SRRM1: variants seen among roughly 807,000 people sequenced by gnomAD.
SRRM1 encodes serine and arginine repetitive matrix 1.
A neutral mutation model predicts 110.2 loss-of-function variants in SRRM1; 19 were observed. The observed-to-expected ratio is 0.17, with a 90% confidence interval of 0.12 to 0.25. SRRM1 has a LOEUF of 0.25. SRRM1 is among the 10% of genes least tolerant of loss of function. The probability of loss-of-function intolerance (pLI) is 1.00; values close to 1 mark genes in which losing one functional copy is unlikely to be tolerated. For synonymous variants in SRRM1, 443 were observed against 414.9 expected, an observed-to-expected ratio of 1.07 and a Z score of -0.82; for missense variants, 918 against 1,145.8, an observed-to-expected ratio of 0.80 and a Z score of 2.87.
chr1:24,656,505 T>C (rs1030860757), intron 9 of SRRM1, among the ~76,000 whole-genome samples: 1 of 152,194 alleles, frequency 6.6e-6, no homozygotes, highest in Non-Finnish European at 1.5e-5. Context: ...GATCACTGTT[T>C]TCATAACCTC....
At chr1:24,666,497 C>T (rs1038709959) in intron 12 of SRRM1, 5 of 252,036 alleles carry the variant, frequency 2.0e-5, no homozygotes, top group African/African-American at 1.2e-4. Context: ...CGTGGTAACT[C>T]ACACCTATAA....
chr1:24,652,986 A>G lies in SRRM1; in HGVS notation c.994A>G (p.Met332Val), dbSNP rs1221058265. 4 of 1,613,898 alleles carry G rather than the reference A, an allele frequency of 2.5e-6. No homozygotes were observed. Among genetic ancestry groups the G allele is most frequent in the Admixed American group, 1.7e-5 (1 of 60,000 alleles). The change falls in exon 8 of 17, where the codon ATG (methionine) becomes GTG (valine). Residue 332 changes from methionine to valine, a missense_variant. Met to Val is a conservative substitution (Grantham distance 21). Coordinates refer to ENST00000323848, the MANE Select transcript of SRRM1 (RefSeq NM_005839.4). ...TCGAAGAAGAACTCCGCCAAGAAGA[A>G]TGCCTCCTCCACCAAGGCATAGAAG... ...SPRRRTPPRRMPPPPRHRRSR... is the reference protein window; with the variant it reads ...SPRRRTPPRRVPPPPRHRRSR...
chr1:24,649,071 TG>T, intron 4 of SRRM1, 42 bp downstream of exon 4: 1 of 1,583,112 alleles, frequency 6.3e-7, no homozygotes, highest in Non-Finnish European at 8.6e-7. Flanking sequence ...TTGAGAGTAT[TG>T]GCCAGGCTGC....
chr1:24,645,555 AC>A (rs1656967274), intron 1 of SRRM1, among the ~76,000 whole-genome samples: 1 of 152,036 alleles, frequency 6.6e-6, no homozygotes, highest in Non-Finnish European at 1.5e-5. Context: ...TTTTCCTTTC[AC>A]CCTGTTTGTA....
rs545700561 is a variant in SRRM1 at position 24,648,969 on chromosome 1, C to T, written c.345C>T (p.Asn115=). The change falls in exon 4 of 17, where the codon AAC becomes AAT. Residue 115 remains asparagine (N), a synonymous_variant. Coordinates refer to ENST00000323848, the MANE Select transcript of SRRM1 (RefSeq NM_005839.4). The part of the protein sequence containing the change: ...LWPLLLSAQE[N]IAGIPSAFLE... ...CCCTGCTGCTAAGTGCACAAGAAAA[C>T]ATCGCGGGAATCCCTTCTGCTTTCC... is the stretch of plus-strand genomic sequence containing the variant. 3 of 1,613,936 alleles carry T rather than the reference C, an allele frequency of 1.9e-6. No homozygotes were observed. The African/African-American group carries it at 4.0e-5, about 22-fold the overall frequency.
chr1:24,655,985 G>A (rs1663858445), intron 9 of SRRM1, among the ~76,000 whole-genome samples: 1 of 152,074 alleles, frequency 6.6e-6, no homozygotes. Context: ...TGAGCCTGTG[G>A]TCCCAGCTAC....
intron 3 of SRRM1, chr1:24,648,597 A>G (rs1193182159): frequency 3.2e-6 from 1 of 308,266 alleles, no homozygotes. Context: ...GAGTCTAAAA[A>G]TACTTACGAA....
rs35365207 is a variant in SRRM1 at position 24,651,564 on chromosome 1, C to A, written c.677C>A (p.Pro226His). 6.2e-7 allele frequency: 1 copy of A among 1,613,788 alleles called. No individual in the cohort carries two copies. Among genetic ancestry groups the A allele is most frequent in the African/African-American group, 1.3e-5 (1 of 75,004 alleles). The change falls in exon 6 of 17, where the codon CCT becomes CAT. Residue 226 changes from proline to histidine, a missense_variant. Pro to His is a moderately conservative substitution (Grantham distance 77). Transcript: ENST00000323848. ...KKEKTPELPE[P>H]SVKVKEPSVQ... The stretch of plus-strand genomic sequence containing the variant: ...GAAAAAACTCCAGAGCTCCCAGAAC[C>A]TTCAGTGAAAGTAAAAGAACCTTCA...
chr1:24,653,042 T>C lies in SRRM1; in HGVS notation c.1040+10T>C, dbSNP rs1045894355. The C allele has an allele frequency of 2.5e-6, 4 of 1,607,362 alleles. No individual in the cohort carries two copies. The African/African-American group carries it at 4.1e-5, about 16-fold the overall frequency. ...GATCTCCAGTAAGACGGTAAGATTT[T>C]TTAAATTTGGAAGTGTCAAGTGTTT... On this transcript the variant is annotated intron_variant, in intron 8 of 16. Coordinates refer to ENST00000323848, the MANE Select transcript of SRRM1 (RefSeq NM_005839.4).
intron 12 of SRRM1, among the ~76,000 whole-genome samples, chr1:24,664,954 CTAA>C (rs1669169535): frequency 6.8e-6 from 1 of 147,148 alleles, no homozygotes; most frequent in Admixed American, 6.8e-5. Flanking sequence ...AAAATCAACA[CTAA>C]TGTTTATTGC....
At chr1:24,660,915 G>T in intron 10 of SRRM1, 116 bp downstream of exon 10, 2 of 671,746 alleles carry the variant, frequency 3.0e-6, no homozygotes, top group Non-Finnish European at 5.0e-6. Context: ...TAAGTATAGG[G>T]TAAGAGCTAA....
Position 24,654,907 on chromosome 1 carries a change from T to A in SRRM1, c.1093T>A (p.Ser365Thr), listed in dbSNP as rs749150166. Residue 365 changes from serine (S) to threonine (T), a missense_variant, in exon 9 of 17, where the codon TCT (serine) becomes ACT (threonine). This residue lies in a region of SRRM1 where 456 missense variants were observed against 453.5 expected (regional missense o/e 1.01). Transcript: ENST00000323848. ...LSGSSSSSSS[S>T]RSRSPPKKPP... ...TGGGAGTAGCTCATCATCCTCTTCA[T>A]CTCGTTCACGGTCACCACCAAAGAA... is the stretch of plus-strand genomic sequence containing the variant. 5 of 1,614,074 alleles carry A rather than the reference T, an allele frequency of 3.1e-6. No individual in the cohort carries two copies. The highest frequency in any genetic ancestry group is 3.4e-6 in the Non-Finnish European group (4 of 1,180,040).
At chr1:24,667,761 TAGTAATACTA>T (rs1245068179) in intron 13 of SRRM1, among the ~76,000 whole-genome samples, 1 of 152,174 alleles carries the variant, frequency 6.6e-6, no homozygotes, top group Non-Finnish European at 1.5e-5. Context: ...TTTGCTATTT[TAGTAATACTA>T]AGTTATCACT....
At position 24,652,573 on chromosome 1, in the gene SRRM1, C is replaced by G. The variant is rs758042923; in HGVS notation, c.865C>G (p.Arg289Gly). The change falls in exon 7 of 17, where the codon CGG (arginine) becomes GGG (glycine). Residue 289 changes from arginine (R) to glycine (G), a missense_variant. Around this residue, in one of 5 missense-constraint regions of SRRM1, gnomAD observed 456 missense variants for 453.5 expected, o/e 1.01. Transcript: ENST00000323848. ...ACGCTCCAAATCAAGATCCCGGACG[C>G]GGTCCCGCTCTCCTTCTCACACTCG... The part of the protein sequence containing the change: ...RSRSKSRSRT[R>G]SRSPSHTRPR... The G allele has an allele frequency of 6.2e-7, 1 of 1,613,610 alleles. No individual in the cohort carries two copies. The highest frequency in any genetic ancestry group is 8.5e-7 in the Non-Finnish European group (1 of 1,179,856).
intron 1 of SRRM1, among the ~76,000 whole-genome samples, chr1:24,644,571 A>G (rs1656186310): frequency 6.6e-6 from 1 of 152,164 alleles, no homozygotes; most frequent in Non-Finnish European, 1.5e-5. Context: ...AAATATGCCA[A>G]CGAGTTTTTC....
chr1:24,662,221 A>G (rs559978608), intron 11 of SRRM1, among the ~76,000 whole-genome samples: 50 of 152,294 alleles, frequency 3.3e-4, no homozygotes, highest in East Asian at 1.7e-3. Context: ...GCTGAGGTAG[A>G]TGGATCACTT....
intron 9 of SRRM1, among the ~76,000 whole-genome samples, chr1:24,658,095 T>A (rs1285671703): frequency 1.3e-5 from 2 of 152,276 alleles, no homozygotes; most frequent in African/African-American, 4.8e-5. Flanking sequence ...TGGTGTAAAG[T>A]CTCATCTAGA....
chr1:24,648,559 A>G (rs1557655593), intron 3 of SRRM1: 1 of 224,862 alleles, frequency 4.4e-6, no homozygotes, highest in Admixed American at 5.6e-5. Context: ...TTTAAAGTTA[A>G]TAAATGTAAG....
At chr1:24,669,996 T>C (rs1671922194) in intron 14 of SRRM1, 124 bp from the exon 15 acceptor site, 2 of 907,636 alleles carry the variant, frequency 2.2e-6, no homozygotes, top group African/African-American at 3.4e-5. Context: ...GTTAGTTGAA[T>C]CAACCAGCAA....
Sources: gnomAD v4.1 joint callset for allele counts (sites outside exome capture counted in the v4.1 genomes callset) on GRCh38, gnomAD v4.1.1 for gene constraint, gnomAD v4.1.1 regional missense constraint, MANE v1.5 for transcripts, NCBI Gene and HGNC (gene_info 2026-07-23, HGNC 2026-07-21) for gene names.